PLEKHG1: variants seen among roughly 807,000 people sequenced by gnomAD.
PLEKHG1 encodes pleckstrin homology and RhoGEF domain containing G1.
In PLEKHG1, 44 loss-of-function variants were observed where a neutral mutation model predicts 100.8. That is an observed-to-expected ratio of 0.44 (90% CI 0.34 to 0.56). The LOEUF (loss-of-function observed/expected upper bound fraction) is 0.56. Ranked by LOEUF, PLEKHG1 falls within the 20% of genes least tolerant of loss-of-function variation. The probability of loss-of-function intolerance (pLI) is 0.01; values close to 1 mark genes in which losing one functional copy is unlikely to be tolerated. For synonymous variants in PLEKHG1, 640 were observed against 662.5 expected (o/e 0.97, Z 0.52); for missense variants, 1,545 against 1,720.9 (o/e 0.90, Z 1.81).
intron 3 of PLEKHG1, among the ~76,000 whole-genome samples, chr6:150,676,756 G>T (rs1029367724): frequency 6.6e-6 from 1 of 152,170 alleles, no homozygotes; most frequent in Non-Finnish European, 1.5e-5. Flanking sequence ...AATACTTAGT[G>T]ACAGCCTACA....
intron 3 of PLEKHG1, among the ~76,000 whole-genome samples, chr6:150,783,836 A>G (rs1785461504): frequency 6.6e-6 from 1 of 152,256 alleles, no homozygotes; most frequent in African/African-American, 2.4e-5. Context: ...ACTAAAAAAG[A>G]ACAAGCCCAC....
intron 10 of PLEKHG1, among the ~76,000 whole-genome samples, chr6:150,811,209 C>A (rs1278456151): frequency 6.6e-6 from 1 of 151,716 alleles, no homozygotes; most frequent in Non-Finnish European, 1.5e-5. Flanking sequence ...ATAAAGTGTT[C>A]AATTGCGTTG....
intron 2 of PLEKHG1, among the ~76,000 whole-genome samples, chr6:150,739,685 CA>C (rs760527682): frequency 2.7e-5 from 4 of 150,514 alleles, no homozygotes; most frequent in South Asian, 2.1e-4. Flanking sequence ...AACAAAAAAA[CA>C]AAAAAAACCA....
chr6:150,613,511 G>C (rs1045127368), intron 1 of PLEKHG1, among the ~76,000 whole-genome samples: 43 of 152,172 alleles, frequency 2.8e-4, no homozygotes, highest in African/African-American at 1.0e-3. Flanking sequence ...CTCTGAGTAC[G>C]TTCTGATTGT....
chr6:150,715,693 T>G (rs1481685388), intron 3 of PLEKHG1, among the ~76,000 whole-genome samples: 1 of 150,706 alleles, frequency 6.6e-6, no homozygotes, highest in East Asian at 2.0e-4. Context: ...TTTTGCCATG[T>G]AGGCTGGTCT....
intron 10 of PLEKHG1, among the ~76,000 whole-genome samples, chr6:150,816,798 C>A (rs569602459): frequency 6.6e-6 from 1 of 152,290 alleles, no homozygotes; most frequent in South Asian, 2.1e-4. Flanking sequence ...GCAGTCAAAC[C>A]TCTCTGCTAA....
chr6:150,738,583 A>G (rs1260804104), intron 2 of PLEKHG1, among the ~76,000 whole-genome samples: 1 of 152,194 alleles, frequency 6.6e-6, no homozygotes, highest in Non-Finnish European at 1.5e-5. Context: ...TTTCTTTCCT[A>G]TGCCATTTAG....
At chr6:150,610,139 T>G (rs1343286166) in intron 1 of PLEKHG1, among the ~76,000 whole-genome samples, 2 of 152,208 alleles carry the variant, frequency 1.3e-5, no homozygotes, top group African/African-American at 4.8e-5. Flanking sequence ...TCTCACTCTG[T>G]CACCCAGGCT....
intron 2 of PLEKHG1, among the ~76,000 whole-genome samples, chr6:150,768,417 C>G (rs1336270076): frequency 6.6e-6 from 1 of 152,000 alleles, no homozygotes; most frequent in Non-Finnish European, 1.5e-5. Flanking sequence ...AGGGAGTAGA[C>G]AGAATGTATA....
At chr6:150,818,000 C>T (rs1003619707) in intron 10 of PLEKHG1, among the ~76,000 whole-genome samples, 183 bp from the exon 12 acceptor site, 1 of 152,148 alleles carries the variant, frequency 6.6e-6, no homozygotes, top group African/African-American at 2.4e-5. Flanking sequence ...GCAGCTATTA[C>T]CCACTTGAGG....
At chr6:150,726,778 G>A (rs887692746) in intron 1 of PLEKHG1, among the ~76,000 whole-genome samples, 17 of 152,008 alleles carry the variant, frequency 1.1e-4, no homozygotes, top group Admixed American at 6.6e-5. Context: ...TTCTAGTCCT[G>A]GCCCTACCAT....
At chr6:150,815,743 T>A (rs1376821395) in intron 10 of PLEKHG1, among the ~76,000 whole-genome samples, 1 of 152,262 alleles carries the variant, frequency 6.6e-6, no homozygotes, top group Non-Finnish European at 1.5e-5. Flanking sequence ...TGTACTGGGA[T>A]ATCACAGATG....
intron 6 of PLEKHG1, among the ~76,000 whole-genome samples, 153 bp downstream of exon 7, chr6:150,801,022 G>A (rs2128663287): frequency 6.6e-6 from 1 of 152,294 alleles, no homozygotes; most frequent in Middle Eastern, 3.4e-3. Flanking sequence ...TTGAGGATTT[G>A]GAGATATTTA....
At chr6:150,806,950 C>T (rs1435403591) in intron 7 of PLEKHG1, among the ~76,000 whole-genome samples, 3 of 152,106 alleles carry the variant, frequency 2.0e-5, no homozygotes, top group African/African-American at 7.2e-5. Flanking sequence ...CTCCCTCCCA[C>T]CTGGGACATG....
intron 15 of PLEKHG1, among the ~76,000 whole-genome samples, chr6:150,836,618 A>G (rs1286589244): frequency 1.3e-5 from 2 of 151,198 alleles, no homozygotes; most frequent in African/African-American, 4.9e-5. Context: ...GGAGTTTGTG[A>G]CCAGCCTGGG....
intron 1 of PLEKHG1, among the ~76,000 whole-genome samples, chr6:150,627,510 A>T (rs994171907): frequency 1.3e-5 from 2 of 151,474 alleles, no homozygotes; most frequent in Admixed American, 6.6e-5. Flanking sequence ...AGTGGCCTTT[A>T]AAAAAAAATC....
chr6:150,622,481 A>G (rs1777339219), intron 1 of PLEKHG1, among the ~76,000 whole-genome samples: 1 of 152,132 alleles, frequency 6.6e-6, no homozygotes, highest in African/African-American at 2.4e-5. Flanking sequence ...CCCAGGCAGC[A>G]TAGAGCCACC....
chr6:150,620,223 C>G (rs546468426), intron 1 of PLEKHG1, among the ~76,000 whole-genome samples: 8 of 152,240 alleles, frequency 5.3e-5, no homozygotes, highest in African/African-American at 1.9e-4. Context: ...ACAACAATTT[C>G]GGTTTGATTG....
At chr6:150,691,110 C>T (rs1441283361) in intron 3 of PLEKHG1, among the ~76,000 whole-genome samples, 1 of 152,182 alleles carries the variant, frequency 6.6e-6, no homozygotes, top group Non-Finnish European at 1.5e-5. Context: ...TAATATTTAT[C>T]CTTTTCTGTT....
Sources: allele counts gnomAD v4.1 joint callset (sites outside exome capture counted in the v4.1 genomes callset), GRCh38; gene constraint gnomAD v4.1.1; transcripts MANE v1.5; gene names NCBI Gene and HGNC (gene_info 2026-07-23, HGNC 2026-07-21).